The following INTS6 variants were observed in gnomAD, a reference collection of about 807,000 sequenced individuals.
INTS6 encodes DEAD box protein.
INTS6 carries 16 observed loss-of-function variants against 104.9 expected under a neutral mutation model. The ratio of observed to expected loss-of-function variants is 0.15; its 90% CI spans 0.10 to 0.23. INTS6 has a LOEUF of 0.23. Among genes scored for constraint, INTS6 ranks in the 10% least tolerant of loss-of-function variants. The pLI, the probability that INTS6 is intolerant of heterozygous loss-of-function variation, is 1.00. For missense variants in INTS6, 584 were observed against 1,062.8 expected (o/e 0.55, Z 6.26); for synonymous variants, 324 against 358.7 (o/e 0.90, Z 1.09).
chr13:51,362,308 A>G lies in INTS6; in HGVS notation c.*3444T>C. 4.2e-6 allele frequency: 1 copy of G among 237,052 alleles called. No individual in the cohort carries two copies. The highest frequency in any genetic ancestry group is 8.0e-6 in the Non-Finnish European group (1 of 125,430). The allele number at this position is 237,052 out of a possible 1,614,324, so 14.7% of individuals were successfully genotyped here. A position where few individuals can be genotyped will look rare whatever the true frequency, so the allele number is the denominator to read the frequency against. On this transcript the variant is annotated 3_prime_UTR_variant, in exon 18 of 18. Coordinates refer to ENST00000311234, the MANE Select transcript of INTS6 (RefSeq NM_012141.3). ...ACCAGAGTAGTCCTCTTGTGATCCT[A>G]GTATTCTAATGAATGCACCTGGATT...
chr13:51,355,341 G>T (rs1955464896), intron 3 of INTS6, among the ~76,000 whole-genome samples: 1 of 152,082 alleles, frequency 6.6e-6, no homozygotes, highest in South Asian at 2.1e-4. Context: ...GTTTCTTCAG[G>T]CCTTAATCAT....
chr13:51,373,167 G>C (rs187051359), intron 15 of INTS6, among the ~76,000 whole-genome samples: 3 of 149,308 alleles, frequency 2.0e-5, no homozygotes, highest in Non-Finnish European at 4.4e-5. Flanking sequence ...CCTATAAATT[G>C]GTTTGATTAC....
chr13:51,441,018 TATGC>T (rs1320782424), intron 3 of INTS6: 1 of 152,210 alleles, frequency 6.6e-6, no homozygotes, highest in East Asian at 1.9e-4. Context: ...GCCCCTACCA[TATGC>T]CAGGCAGGCA....
intron 3 of INTS6, chr13:51,440,812 C>T (rs1952783284): frequency 6.6e-6 from 1 of 152,178 alleles, no homozygotes; most frequent in African/African-American, 2.4e-5. Flanking sequence ...TAGGTATACT[C>T]TATGATGTTC....
At chr13:51,413,481 G>T (rs575552343) in intron 4 of INTS6, among the ~76,000 whole-genome samples, 1 of 152,260 alleles carries the variant, frequency 6.6e-6, no homozygotes, top group African/African-American at 2.4e-5. Flanking sequence ...ACCATGAGAT[G>T]TAGTTATTAT....
At chr13:51,376,470 A>C (rs577775641) in intron 12 of INTS6, among the ~76,000 whole-genome samples, 437 of 152,318 alleles carry the variant, frequency 2.9e-3, no homozygotes, top group Non-Finnish European at 4.4e-3. Flanking sequence ...TCCAAATTTT[A>C]AAAACTGAAG....
At chr13:51,399,713 T>TGTGTGTGTGC (rs145549257) in intron 4 of INTS6, among the ~76,000 whole-genome samples, 12 of 151,778 alleles carry the variant, frequency 7.9e-5, no homozygotes, top group African/African-American at 2.4e-4. Context: ...TGTGGGTGTG[T>TGTGTGTGTGC]GTGTGTGTGC....
At chr13:51,335,871 T>C in the INTS6 span, 2 of 152,134 alleles carry the variant, frequency 1.3e-5, no homozygotes, top group African/African-American at 4.8e-5. Context: ...TAAAAGCAGG[T>C]ATGTAAATTT....
At chr13:51,384,756 A>T (rs962507817) in intron 7 of INTS6, 1 of 453,948 alleles carries the variant, frequency 2.2e-6, no homozygotes, top group African/African-American at 2.0e-5. Flanking sequence ...GAACACATAA[A>T]CATGGTAGGT....
intron 3 of INTS6, among the ~76,000 whole-genome samples, chr13:51,430,853 G>C (rs1306580957): frequency 1.3e-5 from 2 of 152,026 alleles, no homozygotes; most frequent in African/African-American, 4.8e-5. Context: ...CAAATAACTA[G>C]GTAAATGATT....
chr13:51,436,864 A>C (rs1242347013), intron 3 of INTS6: 1 of 152,214 alleles, frequency 6.6e-6, no homozygotes, highest in African/African-American at 2.4e-5. Context: ...TGCCAGGCAA[A>C]TAGTGTTTAT....
chr13:51,344,960 T>C, the INTS6 span, among the ~76,000 whole-genome samples: 4 of 151,864 alleles, frequency 2.6e-5, no homozygotes, highest in African/African-American at 4.9e-5. Context: ...CTCAGTGTTA[T>C]TGAAGAAAGA....
At chr13:51,414,905 T>C (rs1214684223) in intron 4 of INTS6, among the ~76,000 whole-genome samples, 1 of 151,518 alleles carries the variant, frequency 6.6e-6, no homozygotes, top group Non-Finnish European at 1.5e-5. Flanking sequence ...CTCAACTTCC[T>C]TTCTCTCCCT....
Position 51,396,609 on chromosome 13 carries a change from C to T in INTS6, c.430-1126G>A, listed in dbSNP as rs1054934519. Among the ~76,000 whole-genome samples the T allele has an allele frequency of 5.9e-5, 9 of 151,898 alleles. No individual in the cohort carries two copies. In the South Asian group the frequency reaches 1.9e-3, roughly 32 times the overall value. ...CAACATCAACTATAAAGGATTCTTA[C>T]CAAAAAAAAGAGGAAGAAAGAAAAG... On this transcript the variant is annotated intron_variant, in intron 4 of 17. Transcript: ENST00000311234.
chr13:51,442,903 G>T (rs1240392648), intron 3 of INTS6: 1 of 152,162 alleles, frequency 6.6e-6, no homozygotes, highest in Non-Finnish European at 1.5e-5. Context: ...GCCAAACAAA[G>T]GGAGGAAGGA....
the INTS6 span, chr13:51,344,544 T>C: frequency 4.4e-6 from 6 of 1,361,334 alleles, no homozygotes; most frequent in African/African-American, 2.9e-5. Context: ...AGACAGAGTC[T>C]CACCCATCAC....
chr13:51,409,588 G>T (rs1376199335), intron 4 of INTS6, among the ~76,000 whole-genome samples: 1 of 151,728 alleles, frequency 6.6e-6, no homozygotes, highest in Non-Finnish European at 1.5e-5. Context: ...TATAGGTTAG[G>T]TAATTTATTA....
chr13:51,435,459 A>G lies in INTS6; in HGVS notation c.340-5076T>C, dbSNP rs114932912. ...AAAATTTCCTATTATAGTTCTCTCA[A>G]CAACCAATTACCATGGTGTTAAATT... On this transcript the variant is annotated intron_variant, in intron 3 of 17. Transcript: ENST00000311234. Among the ~76,000 whole-genome samples the G allele has an allele frequency of 9.5e-4, 144 of 152,144 alleles. 1 individual carries two copies. Among genetic ancestry groups the G allele is most frequent in the African/African-American group, 3.1e-3 (129 of 41,590 alleles).
In INTS6 at chr13:51,395,499, A is replaced by G. The variant is rs775095676; in HGVS notation, c.430-16T>C. 14 of 1,599,096 alleles carry G rather than the reference A, an allele frequency of 8.8e-6. No individual in the cohort carries two copies. The highest frequency in any genetic ancestry group is 1.1e-5 in the South Asian group (1 of 88,758). ...GTAAATGAAGCTGAAAGTAGGGGGG[A>G]AAAACAGTAATAAGAATTCCACAGA... is the stretch of plus-strand genomic sequence containing the variant. On this transcript the variant is annotated splice_polypyrimidine_tract_variant and intron_variant, in intron 4 of 17. Coordinates refer to ENST00000311234, the MANE Select transcript of INTS6 (RefSeq NM_012141.3).
Sources: gnomAD v4.1 joint callset for allele counts (sites outside exome capture counted in the v4.1 genomes callset) on GRCh38, gnomAD v4.1.1 for gene constraint, MANE v1.5 for transcripts, NCBI Gene and HGNC (gene_info 2026-07-23, HGNC 2026-07-21) for gene names.